The following SASH1 variants were observed in gnomAD, a reference collection of about 807,000 sequenced individuals.
SASH1 encodes the protein SAM and SH3 domain containing 1.
In SASH1, 44 loss-of-function variants were observed where a neutral mutation model predicts 125.2. The observed-to-expected ratio is 0.35, with a 90% confidence interval of 0.28 to 0.45. The LOEUF is 0.45. Ranked by LOEUF, SASH1 falls within the 20% of genes least tolerant of loss-of-function variation. The probability of loss-of-function intolerance (pLI) is 1.00; values close to 1 mark genes in which losing one functional copy is unlikely to be tolerated. For synonymous variants in SASH1, 639 were observed against 649.1 expected (o/e 0.98, Z 0.24); for missense variants, 1,426 against 1,614.5 (o/e 0.88, Z 2.00).
chr6:148,235,091 G>T, the SASH1 span, among the ~76,000 whole-genome samples: 2 of 152,256 alleles, frequency 1.3e-5, no homozygotes, highest in South Asian at 4.1e-4. Context: ...TGGCTCAGAA[G>T]TTTAATAAAA....
chr6:148,307,205 G>A (rs898251769), intron 1 of SASH1, among the ~76,000 whole-genome samples: 11 of 151,608 alleles, frequency 7.3e-5, no homozygotes, highest in African/African-American at 2.7e-4. Context: ...TGCAACCTCC[G>A]CCTCCCAGGT....
At chr6:148,281,106 C>CTTTTTTTTTTTTTTTTT (rs34144143) in intron 1 of SASH1, among the ~76,000 whole-genome samples, 1 of 69,240 alleles carries the variant, frequency 1.4e-5, no homozygotes. Context: ...CCATGCCTAG[C>CTTTTTTTTTTTTTTTTT]TTTTTTTTTT....
At chr6:148,440,306 A>C in intron 3 of SASH1, 52 bp from the exon 4 acceptor site, 1 of 1,610,330 alleles carries the variant, frequency 6.2e-7, no homozygotes, top group Non-Finnish European at 8.5e-7. Flanking sequence ...TGTACAAATC[A>C]GATGAAGCCT....
chr6:148,545,931 C>T (rs1184517353), intron 18 of SASH1, 84 bp from the exon 19 acceptor site: 14 of 1,360,884 alleles, frequency 1.0e-5, no homozygotes, highest in Admixed American at 2.0e-5. Context: ...ACAGTGAGAC[C>T]CTACGTTATA....
At chr6:148,376,542 A>T (rs1171209543) in intron 1 of SASH1, among the ~76,000 whole-genome samples, 1 of 152,142 alleles carries the variant, frequency 6.6e-6, no homozygotes, top group African/African-American at 2.4e-5. Context: ...TGGCTACAGC[A>T]TTGCTCTTGT....
intron 2 of SASH1, among the ~76,000 whole-genome samples, chr6:148,396,722 A>T (rs1299490740): frequency 1.3e-5 from 2 of 152,088 alleles, no homozygotes; most frequent in Admixed American, 1.3e-4. Context: ...AGTGAGCAAG[A>T]GGGTGTAAGA....
intron 15 of SASH1, among the ~76,000 whole-genome samples, chr6:148,534,211 T>C (rs991141754): frequency 1.3e-5 from 2 of 152,032 alleles, no homozygotes; most frequent in Non-Finnish European, 2.9e-5. Flanking sequence ...AAGCCCCGGG[T>C]CAAACCTTGC....
At chr6:148,340,129 G>A (rs532429845), upstream of SASH1, among the ~76,000 whole-genome samples, 404 of 152,230 alleles carry the variant, frequency 2.7e-3, 8 homozygotes, top group Non-Finnish European at 2.2e-3. Flanking sequence ...GCTGGAAAGT[G>A]TTTATGTAGA....
the SASH1 span, among the ~76,000 whole-genome samples, chr6:148,197,540 T>C: frequency 6.6e-6 from 1 of 152,208 alleles, no homozygotes; most frequent in Non-Finnish European, 1.5e-5. Flanking sequence ...CCAAAATTTC[T>C]CTTGCAGGCC....
At chr6:148,440,101 CCT>C (rs1776480175) in intron 2 of SASH1, 81 bp from the exon 3 acceptor site, 4 of 1,313,164 alleles carry the variant, frequency 3.0e-6, no homozygotes, top group East Asian at 4.6e-5. Context: ...CGAATCCTCC[CCT>C]CTCTTCTTAC....
intron 2 of SASH1, among the ~76,000 whole-genome samples, chr6:148,420,953 C>T (rs1017620460): frequency 2.0e-4 from 30 of 151,700 alleles, no homozygotes; most frequent in Admixed American, 4.6e-4. Flanking sequence ...TGTGTTGGCG[C>T]GTGCCTGTAA....
In SASH1 at chr6:148,544,402, C is replaced by T. The variant is rs982377559; in HGVS notation, c.2932C>T (p.Pro978Ser). Reference protein sequence around the residue: ...EGVDAEQRMQPKIPSQPPPVP... With the variant: ...EGVDAEQRMQSKIPSQPPPVP... ...GGTAGATGCTGAGCAGAGAATGCAG[C>T]CCAAAATTCCATCACAGCCTCCACC... is the stretch of plus-strand genomic sequence containing the variant. Residue 978 changes from proline to serine, a missense_variant, in exon 18 of 20, where the codon CCC (proline) becomes TCC (serine). Coordinates refer to ENST00000367467, the MANE Select transcript of SASH1 (RefSeq NM_015278.5). The surrounding 1 kb of genome is among the most constrained non-coding windows in gnomAD (Gnocchi z 6.4). 1 of 1,614,180 alleles carries T rather than the reference C, an allele frequency of 6.2e-7. No homozygotes were observed. Among genetic ancestry groups the T allele is most frequent in the Admixed American group, 1.7e-5 (1 of 60,020 alleles).
chr6:148,503,366 A>C (rs1779639529), intron 8 of SASH1, among the ~76,000 whole-genome samples: 1 of 152,218 alleles, frequency 6.6e-6, no homozygotes, highest in African/African-American at 2.4e-5. Flanking sequence ...CAAAGTGTGC[A>C]TCCAAGGATT....
chr6:148,224,153 A>G, the SASH1 span, among the ~76,000 whole-genome samples: 2 of 152,134 alleles, frequency 1.3e-5, no homozygotes, highest in Non-Finnish European at 2.9e-5. Context: ...AAAATTAGCC[A>G]GGTTCGGTGT....
At chr6:148,279,501 G>A (rs1376038339) in intron 1 of SASH1, among the ~76,000 whole-genome samples, 1 of 152,156 alleles carries the variant, frequency 6.6e-6, no homozygotes, top group Non-Finnish European at 1.5e-5. Context: ...TTGCCATGGG[G>A]TAGCATGGGT....
the SASH1 span, among the ~76,000 whole-genome samples, chr6:148,246,914 G>A: frequency 6.6e-6 from 1 of 152,166 alleles, no homozygotes. Context: ...CCTATGCTAT[G>A]TACTTGTACT....
At chr6:148,547,332 G>A (rs1782632556) in intron 19 of SASH1, among the ~76,000 whole-genome samples, 1 of 152,194 alleles carries the variant, frequency 6.6e-6, no homozygotes, top group Admixed American at 6.5e-5. Flanking sequence ...GTTAGACAAA[G>A]GGATGATTGT....
In SASH1 at chr6:148,549,774, A is replaced by G; in HGVS notation, c.*1216A>G. Reference sequence around the variant, plus strand: ...ATTAGCCATGTGTTAAGTATTTGCTACTTTAAATTGTTTTACAACTGATTT... The same window carrying G: ...ATTAGCCATGTGTTAAGTATTTGCTGCTTTAAATTGTTTTACAACTGATTT... On this transcript the variant is annotated 3_prime_UTR_variant, in exon 20 of 20. Coordinates refer to ENST00000367467, the MANE Select transcript of SASH1 (RefSeq NM_015278.5). The G allele has an allele frequency of 2.6e-6, 1 of 389,782 alleles. No homozygotes were observed. 24.1% of individuals were successfully genotyped at this position (389,782 alleles called of 1,614,324 possible).
chr6:148,358,060 C>CAAAAAA (rs34729070), intron 1 of SASH1, among the ~76,000 whole-genome samples: 1 of 65,624 alleles, frequency 1.5e-5, no homozygotes, highest in Non-Finnish European at 2.8e-5. Context: ...AACTCCGTCT[C>CAAAAAA]AAAAAAAAAA....
Sources: gnomAD v4.1 joint callset for allele counts (sites outside exome capture counted in the v4.1 genomes callset) on GRCh38, gnomAD v4.1.1 for gene constraint, Gnocchi (gnomAD v3.1) non-coding constraint, MANE v1.5 for transcripts, NCBI Gene and HGNC (gene_info 2026-07-23, HGNC 2026-07-21) for gene names.